Variants in ERBB4 observed in about 807,000 individuals in gnomAD.
ERBB4 encodes the protein erb-b2 receptor tyrosine kinase 4, also known as receptor tyrosine-protein kinase erbB-4.
ERBB4 carries 42 observed loss-of-function variants against 158.0 expected under a neutral mutation model. The observed-to-expected ratio is 0.27, with a 90% CI of 0.21 to 0.34. ERBB4 has a LOEUF of 0.34. Among genes scored for constraint, ERBB4 ranks in the 10% least tolerant of loss-of-function variants. The pLI, the probability that ERBB4 is intolerant of heterozygous loss-of-function variation, is 1.00. For synonymous variants in ERBB4, 583 were observed against 558.7 expected (o/e 1.04, Z -0.61); for missense variants, 1,333 against 1,624.1 (o/e 0.82, Z 3.08).
At chr2:211,428,628 G>GTTAA (rs2063686157) in intron 21 of ERBB4, 145 bp from the exon 22 acceptor site, 2 of 461,176 alleles carry the variant, frequency 4.3e-6, no homozygotes, top group Admixed American at 3.6e-5. Flanking sequence ...ATAAATATAT[G>GTTAA]TTAATTTATG....
chr2:211,712,067 T>A lies in ERBB4; in HGVS notation c.1107A>T (p.Leu369=), dbSNP rs766775657. The change falls in exon 9 of 28, where the codon CTA becomes CTT. Residue 369 remains leucine, a synonymous_variant. Transcript: ENST00000342788. The part of the protein sequence containing the change: ...CTKINGNLIF[L]VTGIHGDPYN... ...ATACTGACCCATGAATACCAGTGAC[T>A]AGAAAGATCAAATTCCCATTGATCT... 1.9e-6 allele frequency: 3 copies of A among 1,612,214 alleles called. No individual in the cohort carries two copies. The highest frequency in any genetic ancestry group is 1.1e-5 in the South Asian group (1 of 91,034).
chr2:212,124,503 G>T, intron 2 of ERBB4: 1 of 506,356 alleles, frequency 2.0e-6, no homozygotes, highest in Admixed American at 3.2e-5. Context: ...TGTACTACAT[G>T]GTGACAGAAT....
intron 1 of ERBB4, among the ~76,000 whole-genome samples, chr2:212,489,253 G>A (rs566983896): frequency 1.3e-5 from 2 of 151,916 alleles, no homozygotes; most frequent in East Asian, 1.9e-4. Flanking sequence ...GAGAGATATC[G>A]TATTACCAAC....
chr2:212,137,448 T>C (rs1203639071), intron 1 of ERBB4, among the ~76,000 whole-genome samples: 1 of 152,204 alleles, frequency 6.6e-6, no homozygotes, highest in Non-Finnish European at 1.5e-5. Context: ...TGTTCCTGTG[T>C]TAGTATGCTA....
chr2:212,177,486 T>C (rs2081708080), intron 1 of ERBB4, among the ~76,000 whole-genome samples: 1 of 151,974 alleles, frequency 6.6e-6, no homozygotes, highest in Non-Finnish European at 1.5e-5. Context: ...TTTCTAGCTT[T>C]CTTTTTATAT....
intron 1 of ERBB4, among the ~76,000 whole-genome samples, chr2:212,144,008 G>T (rs1253903553): frequency 6.8e-6 from 1 of 147,216 alleles, no homozygotes; most frequent in East Asian, 2.0e-4. Context: ...GACAGAGTGA[G>T]ACTTCATCTC....
chr2:212,233,505 T>C (rs1052936888), intron 1 of ERBB4, among the ~76,000 whole-genome samples: 2 of 152,188 alleles, frequency 1.3e-5, no homozygotes, highest in African/African-American at 2.4e-5. Context: ...AAGGCAAATA[T>C]AACCAGTAAG....
intron 1 of ERBB4, among the ~76,000 whole-genome samples, chr2:212,411,625 G>C (rs1377260276): frequency 1.3e-5 from 2 of 151,962 alleles, no homozygotes; most frequent in African/African-American, 4.8e-5. Context: ...TACTTGATTG[G>C]TGAGGATCTC....
Position 211,420,614 on chromosome 2 carries a change from AAAAG to A in ERBB4, c.2965-7_2965-4del, listed in dbSNP as rs60420993. On this transcript the variant is annotated splice_polypyrimidine_tract_variant and splice_region_variant and intron_variant, in intron 24 of 27. Coordinates refer to ENST00000342788, the MANE Select transcript of ERBB4 (RefSeq NM_005235.3). Reference sequence around the variant, plus strand: ...GGAAGCTTCATACGATCATCACCCTAAAAGAAAGATTGCCCATCAGACACAAATA... The same window carrying A: ...GGAAGCTTCATACGATCATCACCCTAAAAGATTGCCCATCAGACACAAATA... 58,762 of 1,610,164 alleles carry A rather than the reference AAAAG, an allele frequency of 0.036. 5,356 individuals are homozygous for A. Among genetic ancestry groups the A allele is most frequent in the African/African-American group, 0.35 (26,234 of 74,412 alleles).
chr2:212,538,452 A>C lies in ERBB4; in HGVS notation c.79T>G (p.Ser27Ala). The C allele has an allele frequency of 6.2e-7, 1 of 1,613,822 alleles. No homozygotes were observed. Among genetic ancestry groups the C allele is most frequent in the Non-Finnish European group, 8.5e-7 (1 of 1,179,798 alleles). Residue 27 changes from serine (S) to alanine (A), a missense_variant, in exon 1 of 28, where the codon TCA becomes GCA. Ser to Ala is a moderately conservative substitution (Grantham distance 99, BLOSUM62 1). Transcript: ENST00000342788. ...AGTVQPSDSQ[S>A]VCAGTENKLS... ...CGGAGTGCCAGAAGGAACCCACCTG[A>C]CTGAGAATCGCTGGGCTGGACGGTC...
At chr2:212,380,371 T>C (rs2090463535) in intron 1 of ERBB4, among the ~76,000 whole-genome samples, 1 of 151,264 alleles carries the variant, frequency 6.6e-6, no homozygotes, top group South Asian at 2.1e-4. Flanking sequence ...AAGATGTGCA[T>C]AGGTTATATG....
chr2:211,407,607 A>G (rs1281476376), intron 25 of ERBB4, among the ~76,000 whole-genome samples: 1 of 152,128 alleles, frequency 6.6e-6, no homozygotes, highest in African/African-American at 2.4e-5. Flanking sequence ...ATATAGTCAT[A>G]GTATTTGGAA....
intron 2 of ERBB4, among the ~76,000 whole-genome samples, chr2:212,079,129 A>G (rs1447907105): frequency 1.3e-5 from 2 of 151,204 alleles, no homozygotes; most frequent in Non-Finnish European, 3.0e-5. Context: ...AAAAATTTTT[A>G]TATATATGTA....
At chr2:211,385,662 T>G (rs551003528) in intron 27 of ERBB4, among the ~76,000 whole-genome samples, 1 of 152,198 alleles carries the variant, frequency 6.6e-6, no homozygotes, top group Non-Finnish European at 1.5e-5. Context: ...GAAACGGAGC[T>G]TAGTGTTCAG....
intron 5 of ERBB4, 25 bp downstream of exon 5, chr2:211,750,614 T>C: frequency 1.2e-6 from 2 of 1,602,312 alleles, no homozygotes; most frequent in Non-Finnish European, 1.7e-6. Flanking sequence ...ATCAAACCTG[T>C]GTGCTCTCAC....
At chr2:211,480,819 A>G (rs1386999759) in intron 20 of ERBB4, among the ~76,000 whole-genome samples, 1 of 152,194 alleles carries the variant, frequency 6.6e-6, no homozygotes, top group Non-Finnish European at 1.5e-5. Flanking sequence ...TTTTGAGGGA[A>G]GTAGCTTCCA....
chr2:212,271,451 A>C (rs1005253715), intron 1 of ERBB4, among the ~76,000 whole-genome samples: 2 of 151,770 alleles, frequency 1.3e-5, no homozygotes, highest in Non-Finnish European at 2.9e-5. Flanking sequence ...AATGATGCCA[A>C]AAGTTATCAG....
At chr2:212,302,930 G>T (rs914520311) in intron 1 of ERBB4, among the ~76,000 whole-genome samples, 2 of 151,196 alleles carry the variant, frequency 1.3e-5, no homozygotes, top group East Asian at 2.0e-4. Flanking sequence ...CTCCTGAAAA[G>T]GTGTTTAGGA....
intron 7 of ERBB4, among the ~76,000 whole-genome samples, chr2:211,713,972 A>G (rs2073809536): frequency 6.6e-6 from 1 of 152,218 alleles, no homozygotes. Context: ...ACTTCATTTC[A>G]TGACATGACG....
Sources: allele counts gnomAD v4.1 joint callset (sites outside exome capture counted in the v4.1 genomes callset), GRCh38; gene constraint gnomAD v4.1.1; transcripts MANE v1.5; gene names NCBI Gene and HGNC (gene_info 2026-07-23, HGNC 2026-07-21).